Variants in RBFOX1 observed in about 807,000 individuals in gnomAD.
The protein encoded by RBFOX1 is RNA binding protein fox-1 homolog 1.
A neutral mutation model predicts 57.7 loss-of-function variants in RBFOX1; 8 were observed. That is an observed-to-expected ratio of 0.14 (90% CI 0.08 to 0.25). RBFOX1 has a LOEUF of 0.25. RBFOX1 is among the 10% of genes least tolerant of loss of function. The probability of loss-of-function intolerance (pLI) is 1.00; values close to 1 mark genes in which losing one functional copy is unlikely to be tolerated. For missense variants in RBFOX1, 611 were observed against 548.5 expected, an observed-to-expected ratio of 1.11 and a Z score of -1.14; for synonymous variants, 326 against 222.4, an observed-to-expected ratio of 1.47 and a Z score of -4.15.
At chr16:7,176,847 A>G (rs2081762807) in intron 4 of RBFOX1, among the ~76,000 whole-genome samples, 5 of 152,218 alleles carry the variant, frequency 3.3e-5, no homozygotes. Flanking sequence ...AAAAAAATAC[A>G]GAAATGTAAG....
intron 5 of RBFOX1, among the ~76,000 whole-genome samples, chr16:7,569,624 T>A (rs12445934): frequency 6.6e-6 from 1 of 152,134 alleles, no homozygotes; most frequent in East Asian, 1.9e-4. Context: ...AGATTCCAGG[T>A]ATTAGAACCT....
At chr16:6,319,844 A>T (rs1238437161) in intron 2 of RBFOX1, among the ~76,000 whole-genome samples, 3 of 152,150 alleles carry the variant, frequency 2.0e-5, no homozygotes, top group Non-Finnish European at 4.4e-5. Flanking sequence ...GGTTTCCTTG[A>T]TCTCTATTTT....
intron 3 of RBFOX1, among the ~76,000 whole-genome samples, chr16:5,807,915 C>A (rs7202409): frequency 0.65 from 98,688 of 151,982 alleles, 32,309 homozygotes; most frequent in African/African-American, 0.72. Context: ...ACATCCACCC[C>A]AGACAGAACC....
intron 3 of RBFOX1, among the ~76,000 whole-genome samples, chr16:5,662,481 C>T (rs149978707): frequency 6.6e-6 from 1 of 152,250 alleles, no homozygotes; most frequent in East Asian, 1.9e-4. Flanking sequence ...GAGAGTAAAA[C>T]ATGCCCATAG....
intron 4 of RBFOX1, among the ~76,000 whole-genome samples, chr16:5,871,771 G>C (rs2057479380): frequency 6.6e-6 from 1 of 152,110 alleles, no homozygotes; most frequent in Admixed American, 6.5e-5. Context: ...TTGGTTTCTT[G>C]CCTCACCTTA....
chr16:5,569,465 T>TTTTTTTTTTTTTTTG (rs2046199382), intron 2 of RBFOX1, among the ~76,000 whole-genome samples: 1 of 94,174 alleles, frequency 1.1e-5, no homozygotes, highest in Admixed American at 1.3e-4. Context: ...TTTTTTTTTT[T>TTTTTTTTTTTTTTTG]TTCTTCTTCT....
At position 7,141,075 on chromosome 16, in the gene RBFOX1, G is replaced by A. The variant is rs76046284; in HGVS notation, c.27+88977G>A. Among the ~76,000 whole-genome samples, 643 of 152,234 alleles carry A rather than the reference G, an allele frequency of 4.2e-3. 6 individuals are homozygous for A. The highest frequency in any genetic ancestry group is 0.014 in the African/African-American group (601 of 41,526). On this transcript the variant is annotated intron_variant, in intron 4 of 15. Coordinates refer to ENST00000550418, the MANE Select transcript of RBFOX1 (RefSeq NM_018723.4). ...TCAGCAAACCAGGGAACCTCCTGAC[G>A]ATGAGCTGGGGTGGTTTCTGAACCA...
intron 4 of RBFOX1, among the ~76,000 whole-genome samples, chr16:7,106,234 C>T (rs1281548162): frequency 6.6e-6 from 1 of 152,126 alleles, no homozygotes; most frequent in African/African-American, 2.4e-5. Context: ...ACTGTGTGTG[C>T]ATGAATGTGT....
intron 3 of RBFOX1, among the ~76,000 whole-genome samples, chr16:6,823,541 G>A (rs1239997292): frequency 1.3e-5 from 2 of 152,114 alleles, no homozygotes; most frequent in Non-Finnish European, 2.9e-5. Context: ...ACAGGAGGGA[G>A]CCACTGTGTC....
chr16:7,346,734 T>A (rs558317168), intron 4 of RBFOX1, among the ~76,000 whole-genome samples: 2 of 152,220 alleles, frequency 1.3e-5, no homozygotes, highest in East Asian at 3.9e-4. Context: ...CTGTTGGGCT[T>A]CCTGTGGGTT....
intron 2 of RBFOX1, among the ~76,000 whole-genome samples, chr16:6,591,445 C>G (rs546034701): frequency 2.0e-5 from 3 of 152,180 alleles, no homozygotes; most frequent in Non-Finnish European, 4.4e-5. Context: ...CGTAGTGAGA[C>G]TCTGTCTCAC....
At chr16:6,545,477 G>C (rs775200551) in intron 2 of RBFOX1, among the ~76,000 whole-genome samples, 2 of 152,078 alleles carry the variant, frequency 1.3e-5, no homozygotes. Flanking sequence ...CCTTGGAGAC[G>C]TGTGCCTCTC....
At chr16:5,920,634 C>G (rs915968676) in intron 4 of RBFOX1, among the ~76,000 whole-genome samples, 4 of 152,072 alleles carry the variant, frequency 2.6e-5, no homozygotes, top group African/African-American at 7.2e-5. Flanking sequence ...CAGGGACGGC[C>G]AAAAGACCTT....
intron 1 of RBFOX1, among the ~76,000 whole-genome samples, chr16:6,286,936 T>C (rs978697606): frequency 2.6e-5 from 4 of 152,132 alleles, no homozygotes; most frequent in African/African-American, 9.7e-5. Flanking sequence ...AACTATATAG[T>C]GGTAGAGTTG....
intron 4 of RBFOX1, among the ~76,000 whole-genome samples, chr16:7,293,596 A>T (rs1007832627): frequency 5.3e-5 from 8 of 152,138 alleles, no homozygotes; most frequent in African/African-American, 9.7e-5. Flanking sequence ...CGCAGGCCAG[A>T]TGAGGTTGTG....
intron 4 of RBFOX1, among the ~76,000 whole-genome samples, chr16:7,184,995 G>T (rs1189303430): frequency 6.6e-6 from 1 of 151,984 alleles, no homozygotes; most frequent in African/African-American, 2.4e-5. Flanking sequence ...ATATGCATAG[G>T]ATAGCCCCAC....
At chr16:5,775,067 A>G (rs2054102552) in intron 3 of RBFOX1, among the ~76,000 whole-genome samples, 2 of 152,192 alleles carry the variant, frequency 1.3e-5, no homozygotes, top group Non-Finnish European at 2.9e-5. Flanking sequence ...GAAAATCTCC[A>G]CAGTGCTTAT....
rs2050772609 is a variant in RBFOX1, at chr16:7,053,379, G to C, written c.27+1281G>C. 2.0e-5 allele frequency among the ~76,000 whole-genome samples: 3 copies of C among 152,088 alleles called. No individual in the cohort carries two copies. The South Asian group carries it at 6.2e-4, about 32-fold the overall frequency. The stretch of plus-strand genomic sequence containing the variant: ...GACTTCAAGATTTTTAAGCTTTTCT[G>C]AACTGTCTTACTGCTTTTTTCCTGT... On this transcript the variant is annotated intron_variant, in intron 4 of 15. Transcript: ENST00000550418.
chr16:5,379,899 C>T (rs573641444), intron 1 of RBFOX1, among the ~76,000 whole-genome samples: 2 of 152,272 alleles, frequency 1.3e-5, no homozygotes, highest in South Asian at 2.1e-4. Context: ...GCCAGGGTAA[C>T]TCCTTGCACT....
Sources: gnomAD v4.1 joint callset for allele counts (sites outside exome capture counted in the v4.1 genomes callset) on GRCh38, gnomAD v4.1.1 for gene constraint, MANE v1.5 for transcripts, NCBI Gene and HGNC (gene_info 2026-07-23, HGNC 2026-07-21) for gene names.